KTN1: variants seen among roughly 807,000 people sequenced by gnomAD.
KTN1 encodes kinectin.
In KTN1, 130 loss-of-function variants were observed where a neutral mutation model predicts 222.5. That is an observed-to-expected ratio of 0.58 (90% CI 0.51 to 0.68). KTN1 has a LOEUF of 0.68. Ranked by LOEUF, KTN1 falls within the 30% of genes least tolerant of loss-of-function variation. The pLI, the probability that KTN1 is intolerant of heterozygous loss-of-function variation, is 0.00. For synonymous variants in KTN1, 512 were observed against 496.3 expected (o/e 1.03, Z -0.42); for missense variants, 1,508 against 1,500.4 (o/e 1.01, Z -0.08).
In KTN1 at chr14:55,637,209, A is replaced by G; in HGVS notation, c.1561A>G (p.Lys521Glu). The G allele has an allele frequency of 6.2e-7, 1 of 1,601,790 alleles. No individual in the cohort carries two copies. The highest frequency in any genetic ancestry group is 8.5e-7 in the Non-Finnish European group (1 of 1,173,544). Reference sequence around the variant, plus strand: ...ATGTTTTATTACAGATTTACAGAGTAAATTTGTGGCCAAAGAAAATGAAGT... The same window carrying G: ...ATGTTTTATTACAGATTTACAGAGTGAATTTGTGGCCAAAGAAAATGAAGT... ...HEAAQQDLQS[K>E]FVAKENEVQS... The change falls in exon 11 of 44, where the codon AAA (lysine) becomes GAA (glutamate). Residue 521 changes from lysine to glutamate, a missense_variant. By Grantham distance (56) the Lys-to-Glu change is moderately conservative. Coordinates refer to ENST00000395314, the MANE Select transcript of KTN1 (RefSeq NM_001079521.2).
intron 38 of KTN1, 36 bp downstream of exon 38, chr14:55,672,737 A>G (rs753223513): frequency 5.1e-5 from 72 of 1,402,494 alleles, no homozygotes; most frequent in Admixed American, 3.2e-4. Context: ...TAACCTATGG[A>G]TTTGTTTTTA....
intron 21 of KTN1, 60 bp from the exon 22 acceptor site, chr14:55,649,716 T>A: frequency 1.0e-6 from 1 of 979,340 alleles, no homozygotes; most frequent in East Asian, 2.5e-5. Flanking sequence ...TGTGCATTTC[T>A]ATTTCTGACC....
intron 42 of KTN1, chr14:55,678,739 T>A: frequency 3.2e-6 from 1 of 312,320 alleles, no homozygotes; most frequent in Non-Finnish European, 6.0e-6. Flanking sequence ...GGTGGGTGAA[T>A]GACCATTGCC....
At chr14:55,593,489 A>G (rs1025549853) in intron 1 of KTN1, among the ~76,000 whole-genome samples, 1 of 143,736 alleles carries the variant, frequency 7.0e-6, no homozygotes, top group Non-Finnish European at 1.5e-5. Flanking sequence ...TGAGGGTACT[A>G]TCAACAAAAT....
Position 55,644,895 on chromosome 14 carries a change from A to G in KTN1, c.2173-2078A>G, listed in dbSNP as rs141506686. On this transcript the variant is annotated intron_variant, in intron 18 of 43. Coordinates refer to ENST00000395314, the MANE Select transcript of KTN1 (RefSeq NM_001079521.2). The stretch of plus-strand genomic sequence containing the variant: ...GTATTTGATGAGCTGCAGACCAAGA[A>G]TACTTTCTAAACTGGAACTTCATTA... Among the ~76,000 whole-genome samples the G allele has an allele frequency of 4.9e-4, 75 of 152,230 alleles. 1 individual carries two copies. The highest frequency in any genetic ancestry group is 1.7e-3 in the African/African-American group (71 of 41,542).
intron 1 of KTN1, among the ~76,000 whole-genome samples, chr14:55,584,739 A>G (rs1031988245): frequency 2.0e-5 from 3 of 152,116 alleles, no homozygotes; most frequent in Non-Finnish European, 2.9e-5. Flanking sequence ...CATAGCTTCT[A>G]TGAGGGTAGG....
At chr14:55,672,015 CTG>C in intron 37 of KTN1, 138 bp downstream of exon 37, 1 of 624,534 alleles carries the variant, frequency 1.6e-6, no homozygotes, top group Non-Finnish European at 2.9e-6. Context: ...TGGCAGCAGT[CTG>C]TGTTTTCATG....
chr14:55,611,823 G>A (rs1401062380), intron 1 of KTN1, among the ~76,000 whole-genome samples, 196 bp from the exon 2 acceptor site: 1 of 152,140 alleles, frequency 6.6e-6, no homozygotes, highest in Non-Finnish European at 1.5e-5. Context: ...GTTACCACTT[G>A]TCTTATTTTT....
intron 33 of KTN1, among the ~76,000 whole-genome samples, chr14:55,666,685 T>C (rs2044786921): frequency 6.6e-6 from 1 of 152,112 alleles, no homozygotes; most frequent in South Asian, 2.1e-4. Context: ...CCTTGTTCTT[T>C]CTTTTTCCCA....
intron 2 of KTN1, among the ~76,000 whole-genome samples, chr14:55,614,729 C>G (rs988696097): frequency 2.0e-5 from 3 of 152,164 alleles, no homozygotes; most frequent in Non-Finnish European, 4.4e-5. Flanking sequence ...CAGTGGCAGA[C>G]TTGAATAGTT....
chr14:55,679,910 G>C, intron 43 of KTN1: 1 of 494,062 alleles, frequency 2.0e-6, no homozygotes. Context: ...TTTGACCTTT[G>C]TATCAAACAG....
chr14:55,656,039 T>C lies in KTN1; in HGVS notation c.2802-3T>C. ...TAATGCAGATCTTTGTAAAAAATTC[T>C]AGGTTGAAAGAAAAGGAAAATGAAT... On this transcript the variant is annotated splice_polypyrimidine_tract_variant and splice_region_variant and intron_variant, in intron 28 of 43. Coordinates refer to ENST00000395314, the MANE Select transcript of KTN1 (RefSeq NM_001079521.2). The C allele has an allele frequency of 1.3e-6, 2 of 1,581,302 alleles. No homozygotes were observed. The highest frequency in any genetic ancestry group is 1.7e-6 in the Non-Finnish European group (2 of 1,157,522).
Position 55,646,464 on chromosome 14 carries a change from CCTTTCCTTTCCTTTCCTTTCCTTT to C in KTN1, c.2173-507_2173-484del, listed in dbSNP as rs2042320639. ...TCCTTTTCCTTTTCCTTTTCCTTTT[CCTTTCCTTTCCTTTCCTTTCCTTT>C]CCTTTCCTTTCCTTTCCTTTCCTTT... On this transcript the variant is annotated intron_variant, in intron 18 of 43. Transcript: ENST00000395314. Among the ~76,000 whole-genome samples the C allele has an allele frequency of 2.6e-3, 61 of 23,426 alleles. 2 individuals carry two copies. Among genetic ancestry groups the C allele is most frequent in the African/African-American group, 7.4e-3 (55 of 7,410 alleles). 15.4% of individuals were successfully genotyped at this position (23,426 alleles called of 152,430 possible). A position where few individuals can be genotyped will look rare whatever the true frequency, so the allele number is the denominator to read the frequency against.
At position 55,618,011 on chromosome 14, in the gene KTN1, A is replaced by G; in HGVS notation, c.709A>G (p.Met237Val). The G allele has an allele frequency of 5.0e-6, 8 of 1,611,884 alleles. No homozygotes were observed. Among genetic ancestry groups the G allele is most frequent in the Non-Finnish European group, 6.8e-6 (8 of 1,178,804 alleles). Reference sequence around the variant, plus strand: ...TCATGCAACTACTTATATTCCTTTGATGGATAATGCTGACTCAAGTCCTGT... The same window carrying G: ...TCATGCAACTACTTATATTCCTTTGGTGGATAATGCTGACTCAAGTCCTGT... ...LIHATTYIPL[M>V]DNADSSPVVD... Residue 237 changes from methionine (M) to valine (V), a missense_variant, in exon 4 of 44, where the codon ATG (methionine) becomes GTG (valine). By Grantham distance (21) the Met-to-Val change is conservative. Transcript: ENST00000395314.
intron 2 of KTN1, among the ~76,000 whole-genome samples, chr14:55,616,161 G>A (rs1472676640): frequency 6.6e-6 from 1 of 151,974 alleles, no homozygotes; most frequent in Non-Finnish European, 1.5e-5. Flanking sequence ...GAACTCCTGG[G>A]TTCAAGTGAT....
chr14:55,649,093 T>A (rs1446503818), intron 21 of KTN1, among the ~76,000 whole-genome samples: 2 of 152,136 alleles, frequency 1.3e-5, no homozygotes, highest in Admixed American at 1.3e-4. Context: ...TGCTCGGCTT[T>A]TATTTTATTT....
intron 5 of KTN1, among the ~76,000 whole-genome samples, chr14:55,625,270 C>T (rs1335296555): frequency 6.6e-6 from 1 of 151,214 alleles, no homozygotes; most frequent in Non-Finnish European, 1.5e-5. Context: ...CATATAATAA[C>T]TGCTGAAAAG....
Position 55,612,202 on chromosome 14 carries a change from A to G in KTN1, c.154A>G (p.Thr52Ala). 2.5e-6 allele frequency: 4 copies of G among 1,587,546 alleles called. No individual in the cohort carries two copies. The highest frequency in any genetic ancestry group is 3.4e-6 in the Non-Finnish European group (4 of 1,173,336). ...KREQKLIPTK[T>A]DKKKAEKKKN... The stretch of plus-strand genomic sequence containing the variant: ...AGAACAAAAGCTTATTCCTACCAAA[A>G]CAGATAAAAAGAAAGCAGAAAAGAA... Residue 52 changes from threonine to alanine, a missense_variant, in exon 2 of 44, where the codon ACA becomes GCA. Coordinates refer to ENST00000395314, the MANE Select transcript of KTN1 (RefSeq NM_001079521.2).
chr14:55,602,777 T>A (rs776584688), intron 1 of KTN1, among the ~76,000 whole-genome samples: 36 of 152,252 alleles, frequency 2.4e-4, no homozygotes, highest in Middle Eastern at 3.4e-3. Context: ...GACAGGGTTC[T>A]GCTATGTTGC....
Sources: allele counts gnomAD v4.1 joint callset (sites outside exome capture counted in the v4.1 genomes callset), GRCh38; gene constraint gnomAD v4.1.1; transcripts MANE v1.5; gene names NCBI Gene and HGNC (gene_info 2026-07-23, HGNC 2026-07-21).